CIMIP6: variants seen among roughly 807,000 people sequenced by gnomAD.
CIMIP6 encodes the protein ciliary microtubule inner protein 6, also known as uncharacterized protein C2orf73.
chr2:54,360,145 T>G, the CIMIP6 span: 434 of 1,469,754 alleles, frequency 3.0e-4, 2 homozygotes, highest in African/African-American at 5.8e-3. Flanking sequence ...AGTTCACAGC[T>G]GCATCTTCCA....
chr2:54,340,794 A>G, the CIMIP6 span, among the ~76,000 whole-genome samples: 1 of 152,122 alleles, frequency 6.6e-6, no homozygotes, highest in Non-Finnish European at 1.5e-5. Context: ...CTAGCTTTGC[A>G]TTATGCTTTT....
chr2:54,333,415 G>C, the CIMIP6 span, among the ~76,000 whole-genome samples: 1 of 152,186 alleles, frequency 6.6e-6, no homozygotes, highest in Non-Finnish European at 1.5e-5. Context: ...AGCATGTGCA[G>C]GTGCCGTGAG....
At chr2:54,354,324 GATTT>G in the CIMIP6 span, among the ~76,000 whole-genome samples, 1 of 152,004 alleles carries the variant, frequency 6.6e-6, no homozygotes, top group Non-Finnish European at 1.5e-5. Flanking sequence ...TGATTTATGG[GATTT>G]ATTTTTCTAT....
At chr2:54,356,636 A>G in the CIMIP6 span, among the ~76,000 whole-genome samples, 1 of 152,146 alleles carries the variant, frequency 6.6e-6, no homozygotes, top group Non-Finnish European at 1.5e-5. Flanking sequence ...TGAAGACTCC[A>G]TAATTTGACC....
At chr2:54,365,363 C>CGAGACAATGTGG in the CIMIP6 span, among the ~76,000 whole-genome samples, 1 of 151,890 alleles carries the variant, frequency 6.6e-6, no homozygotes, top group South Asian at 2.1e-4. Context: ...CCTGCACACA[C>CGAGACAATGTGG]GAGACAATGT....
At chr2:54,343,926 CA>C in the CIMIP6 span, 1 of 1,424,740 alleles carries the variant, frequency 7.0e-7, no homozygotes, top group Non-Finnish European at 9.3e-7. Flanking sequence ...TTATTGCTAC[CA>C]AAACTAAGAT....
chr2:54,360,448 C>A, the CIMIP6 span: 1 of 1,591,214 alleles, frequency 6.3e-7, no homozygotes, highest in Middle Eastern at 1.7e-4. Flanking sequence ...CCAAGGCATG[C>A]CCCAGCACTC....
the CIMIP6 span, chr2:54,334,795 G>A: frequency 6.8e-7 from 1 of 1,471,708 alleles, no homozygotes; most frequent in Non-Finnish European, 9.3e-7. Flanking sequence ...GGGGTAAATG[G>A]TTTACTATTT....
At chr2:54,362,002 C>T in the CIMIP6 span, among the ~76,000 whole-genome samples, 1 of 152,198 alleles carries the variant, frequency 6.6e-6, no homozygotes, top group African/African-American at 2.4e-5. Flanking sequence ...AAATTTGCCT[C>T]TGCCTGGAGC....
chr2:54,331,150 A>G, the CIMIP6 span: 1 of 707,808 alleles, frequency 1.4e-6, no homozygotes, highest in African/African-American at 1.8e-5. Context: ...CGCTTACAAC[A>G]ATAATTTTTA....
At chr2:54,373,073 T>C in the CIMIP6 span, among the ~76,000 whole-genome samples, 1 of 152,062 alleles carries the variant, frequency 6.6e-6, no homozygotes, top group Non-Finnish European at 1.5e-5. Flanking sequence ...ATTCACCTTC[T>C]CACACCCTGT....
the CIMIP6 span, among the ~76,000 whole-genome samples, chr2:54,345,935 C>T: frequency 3.3e-5 from 5 of 152,156 alleles, no homozygotes; most frequent in African/African-American, 1.2e-4. Flanking sequence ...TCAGGCAGCA[C>T]TGATGCAAGA....
chr2:54,345,159 G>A, the CIMIP6 span, among the ~76,000 whole-genome samples: 1 of 152,076 alleles, frequency 6.6e-6, no homozygotes, highest in Non-Finnish European at 1.5e-5. Flanking sequence ...AAGATCAACA[G>A]GAGAAAAGCA....
At chr2:54,339,072 C>T in the CIMIP6 span, among the ~76,000 whole-genome samples, 1 of 73,000 alleles carries the variant, frequency 1.4e-5, no homozygotes, top group South Asian at 3.2e-4. Flanking sequence ...AGGAGAATTG[C>T]TTGAACCTGG....
the CIMIP6 span, among the ~76,000 whole-genome samples, chr2:54,354,194 C>T: frequency 1.3e-5 from 2 of 152,034 alleles, no homozygotes; most frequent in African/African-American, 4.8e-5. Flanking sequence ...CTCTCTGTTA[C>T]GTTACTCAGG....
At chr2:54,331,104 C>T in the CIMIP6 span, 2 of 1,126,408 alleles carry the variant, frequency 1.8e-6, no homozygotes, top group South Asian at 2.8e-5. Flanking sequence ...CAAGCTCAGA[C>T]AGCCCCCTTG....
chr2:54,346,105 T>C, the CIMIP6 span, among the ~76,000 whole-genome samples: 3 of 152,168 alleles, frequency 2.0e-5, no homozygotes, highest in Non-Finnish European at 4.4e-5. Context: ...CATTTGACCC[T>C]TAAATGAACA....
At chr2:54,356,855 T>C in the CIMIP6 span, among the ~76,000 whole-genome samples, 1 of 152,188 alleles carries the variant, frequency 6.6e-6, no homozygotes, top group South Asian at 2.1e-4. Flanking sequence ...GATACTTCAT[T>C]ACCACCACCT....
chr2:54,356,688 A>G, the CIMIP6 span, among the ~76,000 whole-genome samples: 13 of 152,198 alleles, frequency 8.5e-5, no homozygotes, highest in Admixed American at 7.9e-4. Context: ...CTTAATTTTC[A>G]CAATTCAAAA....
Sources: gnomAD v4.1 joint callset for allele counts (sites outside exome capture counted in the v4.1 genomes callset) on GRCh38, gnomAD v4.1.1 for gene constraint, MANE v1.5 for transcripts, NCBI Gene and HGNC (gene_info 2026-07-23, HGNC 2026-07-21) for gene names.